MAST2: variants seen among roughly 807,000 people sequenced by gnomAD.
MAST2 encodes the protein microtubule associated serine/threonine kinase 2.
In MAST2, 70 loss-of-function variants were observed where a neutral mutation model predicts 147.4. The observed-to-expected ratio is 0.47, with a 90% CI of 0.39 to 0.58. The LOEUF is 0.58. MAST2 is among the 20% of genes least tolerant of loss of function. The probability of loss-of-function intolerance (pLI) is 0.00; values close to 1 mark genes in which losing one functional copy is unlikely to be tolerated. For synonymous variants in MAST2, 869 were observed against 896.8 expected, an observed-to-expected ratio of 0.97 and a Z score of 0.55; for missense variants, 2,080 against 2,302.3, an observed-to-expected ratio of 0.90 and a Z score of 1.98.
At chr1:45,971,004 G>A (rs961490686) in intron 5 of MAST2, among the ~76,000 whole-genome samples, 1 of 152,046 alleles carries the variant, frequency 6.6e-6, no homozygotes, top group East Asian at 1.9e-4. Flanking sequence ...GGCCCAATCA[G>A]GAGACAGATA....
intron 5 of MAST2, among the ~76,000 whole-genome samples, chr1:45,967,507 G>A (rs777470386): frequency 4.6e-5 from 7 of 152,122 alleles, no homozygotes; most frequent in Non-Finnish European, 7.4e-5. Flanking sequence ...AACAAAATAA[G>A]CTAGAGAAAA....
chr1:45,926,400 T>C (rs1429160916), intron 4 of MAST2, among the ~76,000 whole-genome samples: 1 of 151,218 alleles, frequency 6.6e-6, no homozygotes, highest in Non-Finnish European at 1.5e-5. Context: ...ACTTTTCTCA[T>C]ATTCTTATTT....
intron 4 of MAST2, among the ~76,000 whole-genome samples, chr1:45,934,002 G>A (rs1655795852): frequency 6.6e-6 from 1 of 151,720 alleles, no homozygotes; most frequent in Non-Finnish European, 1.5e-5. Context: ...TTGGTGTACA[G>A]ATTATTTTGT....
At chr1:45,916,731 C>G (rs985933027) in intron 4 of MAST2, among the ~76,000 whole-genome samples, 4 of 152,088 alleles carry the variant, frequency 2.6e-5, no homozygotes, top group Non-Finnish European at 5.9e-5. Flanking sequence ...TTAACTGTTG[C>G]CTGCTAATTG....
intron 5 of MAST2, among the ~76,000 whole-genome samples, chr1:45,985,239 G>A (rs1275588396): frequency 1.3e-5 from 2 of 151,272 alleles, no homozygotes; most frequent in African/African-American, 4.9e-5. Context: ...ACTACATCCT[G>A]CTAATTTTTG....
At chr1:45,992,689 A>T (rs753325860) in intron 5 of MAST2, among the ~76,000 whole-genome samples, 35 of 152,134 alleles carry the variant, frequency 2.3e-4, no homozygotes, top group Non-Finnish European at 4.0e-4. Flanking sequence ...ATGATTAGCT[A>T]TTGACTCAGT....
At chr1:45,906,690 ATAT>A (rs1158534176) in intron 4 of MAST2, among the ~76,000 whole-genome samples, 1 of 149,044 alleles carries the variant, frequency 6.7e-6, no homozygotes, top group Non-Finnish European at 1.5e-5. Flanking sequence ...TATAATAATT[ATAT>A]TATATGTTTA....
Position 46,023,678 on chromosome 1 carries a change from T to G in MAST2, c.1572-94T>G. 1.8e-6 allele frequency: 2 copies of G among 1,119,080 alleles called. No individual in the cohort carries two copies. Among genetic ancestry groups the G allele is most frequent in the Non-Finnish European group, 2.6e-6 (2 of 766,150 alleles). 69.3% of individuals were successfully genotyped at this position (1,119,080 alleles called of 1,614,324 possible). Reference sequence around the variant, plus strand: ...TGCCCTTGCCCCCTTGTTCTGTGCATTAATTAAGGTGTGAGAGAAGGCAGT... The same window carrying G: ...TGCCCTTGCCCCCTTGTTCTGTGCAGTAATTAAGGTGTGAGAGAAGGCAGT... On this transcript the variant is annotated intron_variant, in intron 14 of 28. Coordinates refer to ENST00000361297, the MANE Select transcript of MAST2 (RefSeq NM_015112.3). This position sits in a 1 kb window ranked among gnomAD's most constrained non-coding sequence, Gnocchi z 4.9.
intron 1 of MAST2, among the ~76,000 whole-genome samples, chr1:45,816,221 A>AAGAGAGAGAGAGAGAGAAAGAGAGAG (rs1553202490): frequency 3.0e-5 from 4 of 134,828 alleles, no homozygotes; most frequent in South Asian, 2.5e-4. Context: ...GAGAGAGAGA[A>AAGAGAGAGAGAGAGAGAAAGAGAGAG]AGAGAGAGAG....
At chr1:46,005,092 GT>G (rs1245739140) in intron 7 of MAST2, among the ~76,000 whole-genome samples, 1 of 152,220 alleles carries the variant, frequency 6.6e-6, no homozygotes, top group Non-Finnish European at 1.5e-5. Flanking sequence ...GCTGGGCGCG[GT>G]GGCTCACGCC....
intron 5 of MAST2, among the ~76,000 whole-genome samples, chr1:45,983,048 CA>C (rs770093592): frequency 2.0e-5 from 3 of 152,112 alleles, no homozygotes; most frequent in Non-Finnish European, 2.9e-5. Flanking sequence ...TGCCTTTTGC[CA>C]AAGATTTCCA....
At chr1:46,025,930 C>G in intron 16 of MAST2, 115 bp downstream of exon 16, 1 of 1,338,814 alleles carries the variant, frequency 7.5e-7, no homozygotes, top group African/African-American at 1.4e-5. Context: ...AAAACATGCT[C>G]CTGTGTGTGT....
rs371401183 is a variant in MAST2, at chr1:45,933,063, T to A, written c.501-26323T>A. Among the ~76,000 whole-genome samples the A allele has an allele frequency of 1.1e-4, 10 of 88,262 alleles. No homozygotes were observed. The East Asian group carries it at 3.5e-3, about 31-fold the overall frequency. The allele number at this position is 88,262 out of a possible 152,430, so 57.9% of individuals were successfully genotyped here. A position where few individuals can be genotyped will look rare whatever the true frequency, so the allele number is the denominator to read the frequency against. On this transcript the variant is annotated intron_variant, in intron 4 of 28. Transcript: ENST00000361297. Reference sequence around the variant, plus strand: ...GCAACTTAGTGAGACCCCATTTCTTTAAAAAAAAAAAAAAAAAAAAAAAAA... The same window carrying A: ...GCAACTTAGTGAGACCCCATTTCTTAAAAAAAAAAAAAAAAAAAAAAAAAA...
chr1:45,990,021 G>A (rs930971370), intron 5 of MAST2, among the ~76,000 whole-genome samples: 7 of 152,160 alleles, frequency 4.6e-5, no homozygotes, highest in South Asian at 2.1e-4. Context: ...GGGCGATCAC[G>A]AATAAACTTG....
chr1:45,876,357 A>G (rs1448752539), intron 3 of MAST2, among the ~76,000 whole-genome samples: 1 of 152,228 alleles, frequency 6.6e-6, no homozygotes, highest in East Asian at 1.9e-4. Context: ...ATGTGTAGTT[A>G]TTAAGGGAAT....
In MAST2 at chr1:46,030,723, A is replaced by G; in HGVS notation, c.2670A>G (p.Lys890=). The part of the protein sequence containing the change: ...EDHSDGLAGL[K]GRDRSWVIGS... The stretch of plus-strand genomic sequence containing the variant: ...ATTCAGATGGCCTGGCAGGGCTCAA[A>G]GGCCGAGACCGGAGCTGGGTGATTG... Residue 890 remains lysine, a synonymous_variant, in exon 22 of 29, where the codon AAA becomes AAG. Coordinates refer to ENST00000361297, the MANE Select transcript of MAST2 (RefSeq NM_015112.3). The G allele has an allele frequency of 5.0e-6, 8 of 1,599,014 alleles. No homozygotes were observed. The highest frequency in any genetic ancestry group is 6.8e-6 in the Non-Finnish European group (8 of 1,175,118).
intron 4 of MAST2, among the ~76,000 whole-genome samples, chr1:45,955,847 A>G (rs974648153): frequency 6.6e-6 from 1 of 152,194 alleles, no homozygotes; most frequent in Non-Finnish European, 1.5e-5. Flanking sequence ...TGAGACAAGG[A>G]GAATTTTAAA....
At chr1:45,857,960 G>C (rs1645847918) in intron 3 of MAST2, among the ~76,000 whole-genome samples, 1 of 147,954 alleles carries the variant, frequency 6.8e-6, no homozygotes, top group African/African-American at 2.5e-5. Context: ...TTTTATGGCT[G>C]CATAGTATTC....
chr1:45,947,918 A>C (rs1291006908), intron 4 of MAST2, among the ~76,000 whole-genome samples: 2 of 152,116 alleles, frequency 1.3e-5, no homozygotes, highest in East Asian at 3.8e-4. Context: ...GGGTTTCATC[A>C]TGTTAGCCAG....
Sources: gnomAD v4.1 joint callset for allele counts (sites outside exome capture counted in the v4.1 genomes callset) on GRCh38, gnomAD v4.1.1 for gene constraint, Gnocchi (gnomAD v3.1) non-coding constraint, MANE v1.5 for transcripts, NCBI Gene and HGNC (gene_info 2026-07-23, HGNC 2026-07-21) for gene names.